LDLRAD4: variants seen among roughly 807,000 people sequenced by gnomAD.
LDLRAD4 encodes the protein low-density lipoprotein receptor class A domain-containing protein 4.
In LDLRAD4, 5 loss-of-function variants were observed where a neutral mutation model predicts 17.0. The observed-to-expected ratio is 0.29, with a 90% CI of 0.15 to 0.62. The LOEUF (loss-of-function observed/expected upper bound fraction) is 0.62. LDLRAD4 is among the 20% of genes least tolerant of loss of function. The pLI, the probability that LDLRAD4 is intolerant of heterozygous loss-of-function variation, is 0.84. For synonymous variants in LDLRAD4, 168 were observed against 171.8 expected, an observed-to-expected ratio of 0.98 and a Z score of 0.17; for missense variants, 340 against 424.7, an observed-to-expected ratio of 0.80 and a Z score of 1.75.
chr18:13,549,318 A>G (rs1427475232), intron 3 of LDLRAD4, among the ~76,000 whole-genome samples: 1 of 152,138 alleles, frequency 6.6e-6, no homozygotes, highest in Non-Finnish European at 1.5e-5. Flanking sequence ...TAAAACCATA[A>G]TGAAAACAGC....
At position 13,640,210 on chromosome 18, in the gene LDLRAD4, G is replaced by A. The variant is rs147197881; in HGVS notation, c.337-3149G>A. On this transcript the variant is annotated intron_variant, in intron 4 of 5. Coordinates refer to ENST00000359446, the Ensembl canonical transcript of LDLRAD4. Reference sequence around the variant, plus strand: ...CGGTAGGCTGAGGCGGGAGAATGGCGTGAACCCGGGAGGCGGAGCTTGCAG... The same window carrying A: ...CGGTAGGCTGAGGCGGGAGAATGGCATGAACCCGGGAGGCGGAGCTTGCAG... Among the ~76,000 whole-genome samples the A allele has an allele frequency of 9.0e-3, 1,309 of 145,008 alleles. 24 individuals carry two copies. The highest frequency in any genetic ancestry group is 0.032 in the African/African-American group (1,248 of 38,922).
chr18:13,431,061 T>C (rs1250799195), intron 2 of LDLRAD4, among the ~76,000 whole-genome samples: 1 of 152,226 alleles, frequency 6.6e-6, no homozygotes, highest in Non-Finnish European at 1.5e-5. Context: ...TTTAATGGCT[T>C]TAGAGTTCTA....
intron 1 of LDLRAD4, among the ~76,000 whole-genome samples, chr18:13,366,838 C>T (rs567484503): frequency 2.0e-5 from 3 of 152,308 alleles, no homozygotes; most frequent in South Asian, 4.2e-4. Flanking sequence ...TTCAGTCTTG[C>T]GTGGTTCTTA....
chr18:13,319,104 T>C (rs181198102), intron 1 of LDLRAD4, among the ~76,000 whole-genome samples: 1 of 152,356 alleles, frequency 6.6e-6, no homozygotes, highest in East Asian at 1.9e-4. Flanking sequence ...GCTGCAGCTC[T>C]TATTTCTCAT....
chr18:13,478,700 C>A (rs1240807627), intron 3 of LDLRAD4, among the ~76,000 whole-genome samples: 1 of 152,160 alleles, frequency 6.6e-6, no homozygotes, highest in African/African-American at 2.4e-5. Context: ...GCCGGTTCTT[C>A]CCAAATTCAT....
At chr18:13,583,931 C>G (rs2094900934) in intron 3 of LDLRAD4, among the ~76,000 whole-genome samples, 1 of 152,160 alleles carries the variant, frequency 6.6e-6, no homozygotes, top group Non-Finnish European at 1.5e-5. Flanking sequence ...TCGCCCTGCT[C>G]CCCCAGCTGC....
chr18:13,285,976 G>T (rs542322207), intron 1 of LDLRAD4, among the ~76,000 whole-genome samples: 1 of 152,158 alleles, frequency 6.6e-6, no homozygotes, highest in Admixed American at 6.5e-5. Context: ...ATTTTTAAGC[G>T]TACGGTTCTG....
chr18:13,375,681 G>A (rs1853528586), intron 1 of LDLRAD4, among the ~76,000 whole-genome samples: 1 of 152,194 alleles, frequency 6.6e-6, no homozygotes, highest in African/African-American at 2.4e-5. Flanking sequence ...TGAGTGTTCA[G>A]TTATGGAGTG....
At chr18:13,222,961 C>T (rs570926218) in intron 1 of LDLRAD4, among the ~76,000 whole-genome samples, 3 of 152,320 alleles carry the variant, frequency 2.0e-5, no homozygotes, top group South Asian at 2.1e-4. Context: ...AAATTGTCTA[C>T]GATAGATAAG....
chr18:13,577,902 A>C (rs1227652234), intron 3 of LDLRAD4, among the ~76,000 whole-genome samples: 3 of 152,204 alleles, frequency 2.0e-5, no homozygotes, highest in Non-Finnish European at 4.4e-5. Flanking sequence ...TGGAATCATG[A>C]ATGGGCTTTT....
At chr18:13,591,949 C>G (rs1314871637) in intron 3 of LDLRAD4, among the ~76,000 whole-genome samples, 1 of 152,190 alleles carries the variant, frequency 6.6e-6, no homozygotes, top group African/African-American at 2.4e-5. Context: ...ATGTGACATT[C>G]AGTCACGTAA....
At chr18:13,387,938 G>A (rs1053852484) in intron 2 of LDLRAD4, among the ~76,000 whole-genome samples, 176 bp downstream of exon 3, 11 of 152,116 alleles carry the variant, frequency 7.2e-5, no homozygotes, top group Admixed American at 7.2e-4. Flanking sequence ...GTTTTCCTTC[G>A]CTCTCTCAAT....
At chr18:13,390,597 C>T (rs559763803) in intron 2 of LDLRAD4, among the ~76,000 whole-genome samples, 17 of 152,086 alleles carry the variant, frequency 1.1e-4, no homozygotes, top group Admixed American at 2.0e-4. Context: ...GCACTGGGAG[C>T]TGGCACCCAG....
intron 1 of LDLRAD4, chr18:13,242,073 A>T (rs1010595313): frequency 6.6e-6 from 1 of 152,276 alleles, no homozygotes; most frequent in Admixed American, 6.5e-5. Flanking sequence ...AGCCAGCCAC[A>T]AACAAACACA....
intron 1 of LDLRAD4, among the ~76,000 whole-genome samples, chr18:13,330,665 A>G (rs1245536763): frequency 6.6e-6 from 1 of 152,204 alleles, no homozygotes; most frequent in African/African-American, 2.4e-5. Flanking sequence ...ACAACTCTAA[A>G]AATCCTTAGA....
intron 1 of LDLRAD4, among the ~76,000 whole-genome samples, chr18:13,381,245 T>A (rs2085339403): frequency 1.3e-5 from 2 of 152,050 alleles, no homozygotes; most frequent in Non-Finnish European, 2.9e-5. Context: ...TTTTTATATT[T>A]TTAGTAGATA....
chr18:13,407,769 C>T (rs960674057), intron 2 of LDLRAD4, among the ~76,000 whole-genome samples: 1 of 152,224 alleles, frequency 6.6e-6, no homozygotes, highest in Admixed American at 6.5e-5. Flanking sequence ...ATATTTTCTT[C>T]ACAGCCCTCA....
rs367571092 is a variant in LDLRAD4, at chr18:13,450,337, C to CCCCCCCCA, written c.181+11953_181+11954insCCCCCCCA. The stretch of plus-strand genomic sequence containing the variant: ...GCTTCTCTCCCCCCACCCCCCCCCC[C>CCCCCCCCA]AAAAAAACACACAAGATCCCAAGAC... On this transcript the variant is annotated intron_variant, in intron 3 of 5. Coordinates refer to ENST00000359446, the Ensembl canonical transcript of LDLRAD4. Among the ~76,000 whole-genome samples, 44 of 115,582 alleles carry CCCCCCCCA rather than the reference C, an allele frequency of 3.8e-4. 4 individuals carry two copies. The highest frequency in any genetic ancestry group is 6.0e-4 in the Non-Finnish European group (32 of 53,306). 75.8% of individuals were successfully genotyped at this position (115,582 alleles called of 152,430 possible). A position where few individuals can be genotyped will look rare whatever the true frequency, so the allele number is the denominator to read the frequency against.
At chr18:13,632,461 G>C (rs187186790) in intron 4 of LDLRAD4, among the ~76,000 whole-genome samples, 2 of 152,374 alleles carry the variant, frequency 1.3e-5, no homozygotes, top group Admixed American at 1.3e-4. Flanking sequence ...CAAGGCTGCA[G>C]CTGGACCAGA....
Sources: gnomAD v4.1 joint callset for allele counts (sites outside exome capture counted in the v4.1 genomes callset) on GRCh38, gnomAD v4.1.1 for gene constraint, MANE v1.5 for transcripts, NCBI Gene and HGNC (gene_info 2026-07-23, HGNC 2026-07-21) for gene names.